The following HECW1 variants were observed in gnomAD, a reference collection of about 807,000 sequenced individuals.
The protein encoded by HECW1 is E3 ubiquitin-protein ligase HECW1.
HECW1 carries 61 observed loss-of-function variants against 182.3 expected under a neutral mutation model. The observed-to-expected ratio is 0.33, with a 90% confidence interval of 0.27 to 0.41. The LOEUF (loss-of-function observed/expected upper bound fraction) is 0.41, where lower values mean the gene tolerates loss of function less well. Among genes scored for constraint, HECW1 ranks in the 10% least tolerant of loss-of-function variants. HECW1 has a pLI of 1.00. For synonymous variants in HECW1, 859 were observed against 832.6 expected, an observed-to-expected ratio of 1.03 and a Z score of -0.55; for missense variants, 1,739 against 2,108.9, an observed-to-expected ratio of 0.82 and a Z score of 3.44.
chr7:43,469,366 CTA>C (rs1440256751), intron 16 of HECW1, among the ~76,000 whole-genome samples: 3 of 152,178 alleles, frequency 2.0e-5, no homozygotes, highest in Non-Finnish European at 4.4e-5. Flanking sequence ...TGTGACATTG[CTA>C]TGTGTTCCCT....
At chr7:43,169,685 C>CTTTTTTT (rs1791478697) in intron 2 of HECW1, among the ~76,000 whole-genome samples, 1 of 131,684 alleles carries the variant, frequency 7.6e-6, no homozygotes. Context: ...ATCTTTTTTT[C>CTTTTTTT]TTTTCTTTTT....
At chr7:43,508,277 T>G (rs1156310061) in intron 23 of HECW1, 146 bp downstream of exon 23, 1 of 579,312 alleles carries the variant, frequency 1.7e-6, no homozygotes, top group East Asian at 2.8e-5. Context: ...AGGAGGTCCT[T>G]CTTTTCAGGT....
intron 5 of HECW1, among the ~76,000 whole-genome samples, 198 bp downstream of exon 5, chr7:43,320,940 C>G (rs1047003102): frequency 3.1e-4 from 47 of 152,212 alleles, no homozygotes; most frequent in African/African-American, 1.1e-3. Context: ...AGCCAGCCAA[C>G]CAGCCCAGAG....
At chr7:43,486,064 T>C (rs969339935) in intron 17 of HECW1, among the ~76,000 whole-genome samples, 39 of 151,802 alleles carry the variant, frequency 2.6e-4, no homozygotes, top group African/African-American at 8.0e-4. Flanking sequence ...TGTGTCCATG[T>C]GTTCTCATTG....
At chr7:43,203,672 G>T (rs562501473) in intron 2 of HECW1, among the ~76,000 whole-genome samples, 2 of 152,068 alleles carry the variant, frequency 1.3e-5, no homozygotes, top group Non-Finnish European at 2.9e-5. Flanking sequence ...TGGCCAGGGT[G>T]GTCTTGAACT....
At chr7:43,523,212 C>T (rs994045286) in intron 24 of HECW1, 11 of 233,476 alleles carry the variant, frequency 4.7e-5, no homozygotes, top group African/African-American at 1.9e-4. Flanking sequence ...CCATGTTGGC[C>T]GGGGGGGGTC....
chr7:43,506,185 C>G (rs1043408220), intron 21 of HECW1, among the ~76,000 whole-genome samples: 1 of 152,146 alleles, frequency 6.6e-6, no homozygotes. Context: ...CTCCTAAATG[C>G]TCTGAGCCTT....
intron 3 of HECW1, among the ~76,000 whole-genome samples, chr7:43,264,720 T>C (rs11975734): frequency 0.072 from 10,894 of 151,824 alleles, 590 homozygotes; most frequent in African/African-American, 0.15. Context: ...GGCGGGCACC[T>C]GTAGTCTCAG....
intron 2 of HECW1, chr7:43,207,629 C>T (rs1432498132): frequency 6.6e-6 from 1 of 152,204 alleles, no homozygotes; most frequent in Non-Finnish European, 1.5e-5. Flanking sequence ...CTATCCTTCC[C>T]TCCCCGTTCC....
At chr7:43,210,739 C>G (rs906197023) in intron 2 of HECW1, among the ~76,000 whole-genome samples, 3 of 152,170 alleles carry the variant, frequency 2.0e-5, no homozygotes, top group Non-Finnish European at 4.4e-5. Flanking sequence ...AATGGCAAGC[C>G]TTTAGCCCAA....
At chr7:43,214,714 G>T (rs964973776) in intron 2 of HECW1, among the ~76,000 whole-genome samples, 2 of 152,200 alleles carry the variant, frequency 1.3e-5, no homozygotes, top group East Asian at 3.9e-4. Flanking sequence ...CACAGGAGAC[G>T]GCAGGGTGGC....
intron 2 of HECW1, among the ~76,000 whole-genome samples, chr7:43,194,212 A>T (rs553559368): frequency 6.6e-6 from 1 of 152,166 alleles, no homozygotes; most frequent in African/African-American, 2.4e-5. Context: ...GGGTCTGTTC[A>T]GTCAGTTGAG....
chr7:43,549,976 A>G (rs1025720997), intron 26 of HECW1, among the ~76,000 whole-genome samples: 2 of 152,164 alleles, frequency 1.3e-5, no homozygotes, highest in Non-Finnish European at 2.9e-5. Context: ...CAAAAACTGT[A>G]GCCTTTCCAA....
At chr7:43,430,146 AT>A (rs35773028) in intron 8 of HECW1, among the ~76,000 whole-genome samples, 1 of 152,178 alleles carries the variant, frequency 6.6e-6, no homozygotes, top group Admixed American at 6.5e-5. Context: ...GACTGGAGTC[AT>A]TTTTTCTCAT....
At chr7:43,434,360 T>G (rs1166162077) in intron 8 of HECW1, among the ~76,000 whole-genome samples, 1 of 152,232 alleles carries the variant, frequency 6.6e-6, no homozygotes, top group African/African-American at 2.4e-5. Context: ...AAATTTGGTC[T>G]AACATGGCGT....
intron 26 of HECW1, among the ~76,000 whole-genome samples, chr7:43,546,370 T>C (rs137855454): frequency 2.0e-4 from 30 of 152,232 alleles, no homozygotes; most frequent in Middle Eastern, 3.4e-3. Flanking sequence ...ATGACTTTCA[T>C]GGCTTATTCT....
chr7:43,437,085 C>T (rs1264913994), intron 8 of HECW1, among the ~76,000 whole-genome samples: 1 of 152,180 alleles, frequency 6.6e-6, no homozygotes, highest in African/African-American at 2.4e-5. Flanking sequence ...CCTGCTTTCT[C>T]CCTCCCCTAC....
chr7:43,353,458 A>C (rs7808837), intron 5 of HECW1, among the ~76,000 whole-genome samples: 66,717 of 151,856 alleles, frequency 0.44, 14,782 homozygotes, highest in Non-Finnish European at 0.47. Context: ...TAGAGGCAAG[A>C]TGGCTTCACT....
Position 43,500,720 on chromosome 7 carries a change from G to A in HECW1, c.3459G>A (p.Arg1153=), listed in dbSNP as rs1317350567. The A allele has an allele frequency of 1.2e-6, 2 of 1,613,792 alleles. No homozygotes were observed. The highest frequency in any genetic ancestry group is 1.7e-6 in the Non-Finnish European group (2 of 1,179,764). The stretch of plus-strand genomic sequence containing the variant: ...TCAGGGAGAAAATCCATTACATTCG[G>A]ACTGAGGGTAATCACGGGCTTGAGA... ...HTLREKIHYI[R]TEGNHGLEKL... Residue 1153 remains arginine, a synonymous_variant, in exon 20 of 30, where the codon CGG becomes CGA. Coordinates refer to ENST00000395891, the MANE Select transcript of HECW1 (RefSeq NM_015052.5).
Sources: allele counts gnomAD v4.1 joint callset (sites outside exome capture counted in the v4.1 genomes callset), GRCh38; gene constraint gnomAD v4.1.1; transcripts MANE v1.5; gene names NCBI Gene and HGNC (gene_info 2026-07-23, HGNC 2026-07-21).